The following CIB2 variants were observed in gnomAD, a reference collection of about 807,000 sequenced individuals.
CIB2 encodes calcium and integrin-binding family member 2.
Under a neutral mutation model 23.1 loss-of-function variants are expected in CIB2, and 19 were observed. That is an observed-to-expected ratio of 0.82 (90% CI 0.57 to 1.21). The LOEUF (loss-of-function observed/expected upper bound fraction) is 1.21, where lower values mean the gene tolerates loss of function less well. CIB2 is among the 50% of genes most tolerant of loss of function. CIB2 has a pLI of 0.00. For synonymous variants in CIB2, 94 were observed against 91.7 expected, an observed-to-expected ratio of 1.03 and a Z score of -0.14; for missense variants, 220 against 241.5, an observed-to-expected ratio of 0.91 and a Z score of 0.59.
Position 78,131,138 on chromosome 15 carries a change from G to C in CIB2, c.51+27C>G. 6.4e-7 allele frequency: 1 copy of C among 1,565,680 alleles called. No homozygotes were observed. The highest frequency in any genetic ancestry group is 1.1e-5 in the South Asian group (1 of 86,976). On this transcript the variant is annotated intron_variant, in intron 1 of 5. Coordinates refer to ENST00000258930, the MANE Select transcript of CIB2 (RefSeq NM_006383.4). This position sits in a 1 kb window ranked among gnomAD's most constrained non-coding sequence, Gnocchi z 5.8. ...GGGGCGGCGGGGCGGCGGGGCCTGT[G>C]TTGGGGGCCGGGCGCGCCGAGCTCA...
chr15:78,115,072 A>C (rs1251411361), intron 2 of CIB2, among the ~76,000 whole-genome samples: 1 of 152,206 alleles, frequency 6.6e-6, no homozygotes, highest in African/African-American at 2.4e-5. Context: ...ATTTTGACCA[A>C]TTTGATAGAT....
rs754273733 is a variant in CIB2, at chr15:78,109,289, G to A, written c.292C>T (p.Leu98Phe). 3 of 1,613,458 alleles carry A rather than the reference G, an allele frequency of 1.9e-6. No homozygotes were observed. Among genetic ancestry groups the A allele is most frequent in the South Asian group, 1.1e-5 (1 of 91,062 alleles). ...FNDFVDMFSV[L>F]CESAPRELKA... ...AGCTCTCGGGGAGCCGACTCGCAGA[G>A]CACGGAAAACATGTCCACAAAGTCG... The change falls in exon 4 of 6, where the codon CTC becomes TTC. Residue 98 changes from leucine to phenylalanine, a missense_variant. Coordinates refer to ENST00000258930, the MANE Select transcript of CIB2 (RefSeq NM_006383.4).
chr15:78,122,966 G>A (rs921127506), intron 2 of CIB2, among the ~76,000 whole-genome samples: 4 of 152,236 alleles, frequency 2.6e-5, no homozygotes, highest in African/African-American at 9.6e-5. Context: ...GGACTTTGCT[G>A]GCTTTTAGTG....
At position 78,105,271 on chromosome 15, in the gene CIB2, G is replaced by GA; in HGVS notation, c.*39dup. 2 of 1,613,500 alleles carry GA rather than the reference G, an allele frequency of 1.2e-6. No individual in the cohort carries two copies. The highest frequency in any genetic ancestry group is 1.7e-6 in the Non-Finnish European group (2 of 1,179,686). On this transcript the variant is annotated 3_prime_UTR_variant, in exon 6 of 6. Coordinates refer to ENST00000258930, the MANE Select transcript of CIB2 (RefSeq NM_006383.4). ...CCACACCCATGTGACTGCAGGGCAG[G>GA]ATGGTGGACTTCTAGGCCCCTACAG...
At chr15:78,112,524 C>T (rs1490501964) in intron 2 of CIB2, among the ~76,000 whole-genome samples, 3 of 152,160 alleles carry the variant, frequency 2.0e-5, no homozygotes, top group African/African-American at 7.2e-5. Flanking sequence ...CTATGATTGC[C>T]CCACTGCATT....
chr15:78,121,570 G>A (rs1048925322), intron 2 of CIB2, among the ~76,000 whole-genome samples: 15 of 152,114 alleles, frequency 9.9e-5, no homozygotes, highest in African/African-American at 2.9e-4. Flanking sequence ...CAGTTACCCC[G>A]AGGCTGTTCT....
rs1288181059 is a variant in CIB2 at position 78,131,372 on chromosome 15, A to AG, written c.-158dup. On this transcript the variant is annotated 5_prime_UTR_variant, in exon 1 of 6. Coordinates refer to ENST00000258930, the MANE Select transcript of CIB2 (RefSeq NM_006383.4). The surrounding 1 kb of genome is among the most constrained non-coding windows in gnomAD (Gnocchi z 5.8). ...CCTTCCCGCCCCGCAGCTCGCCTGG[A>AG]GGAGGCGCGCGGGGGTCTCGGAGGC... is the stretch of plus-strand genomic sequence containing the variant. 5.5e-6 allele frequency: 2 copies of AG among 360,604 alleles called. No homozygotes were observed. The highest frequency in any genetic ancestry group is 5.7e-5 in the Admixed American group (1 of 17,430). The allele number at this position is 360,604 out of a possible 1,614,324, so 22.3% of individuals were successfully genotyped here. A position where few individuals can be genotyped will look rare whatever the true frequency, so the allele number is the denominator to read the frequency against.
intron 2 of CIB2, among the ~76,000 whole-genome samples, chr15:78,113,898 C>T (rs1389076181): frequency 6.6e-6 from 1 of 152,174 alleles, no homozygotes; most frequent in African/African-American, 2.4e-5. Context: ...TTGACCCCAC[C>T]TCATATGTGG....
chr15:78,109,521 G>A (rs560656481), intron 3 of CIB2, 139 bp from the exon 4 acceptor site: 48 of 892,152 alleles, frequency 5.4e-5, no homozygotes, highest in Non-Finnish European at 2.3e-5. Context: ...TGTAAAAAGG[G>A]AATAATAATA....
At chr15:78,123,211 G>A (rs940763483) in intron 2 of CIB2, among the ~76,000 whole-genome samples, 2 of 152,118 alleles carry the variant, frequency 1.3e-5, no homozygotes, top group Admixed American at 1.3e-4. Flanking sequence ...GACGTCCTAG[G>A]AGTGGAAGAA....
intron 5 of CIB2, 59 bp downstream of exon 5, chr15:78,105,680 C>A: frequency 6.2e-7 from 1 of 1,610,500 alleles, no homozygotes. Flanking sequence ...GCCTCAGCCC[C>A]AACATCCCGG....
intron 2 of CIB2, among the ~76,000 whole-genome samples, chr15:78,118,920 C>A (rs1417881173): frequency 6.6e-6 from 1 of 152,118 alleles, no homozygotes; most frequent in Non-Finnish European, 1.5e-5. Flanking sequence ...GTGGCTCATG[C>A]CTGTAATCCT....
In CIB2 at chr15:78,116,018, T is replaced by C. The variant is rs115809903; in HGVS notation, c.87-4742A>G. On this transcript the variant is annotated intron_variant, in intron 2 of 5. Transcript: ENST00000258930. The stretch of plus-strand genomic sequence containing the variant: ...AAATATTTGGAAAAAAAAAATTGCA[T>C]CTACGCTAAACATGTATAGATTTTT... Among the ~76,000 whole-genome samples, 1,493 of 152,220 alleles carry C rather than the reference T, an allele frequency of 9.8e-3. 15 individuals are homozygous for C. Among genetic ancestry groups the C allele is most frequent in the African/African-American group, 0.034 (1,414 of 41,550 alleles).
In CIB2 at chr15:78,109,229, G is replaced by T; in HGVS notation, c.346+6C>A. 6.3e-7 allele frequency: 1 copy of T among 1,592,398 alleles called. No individual in the cohort carries two copies. The highest frequency in any genetic ancestry group is 8.5e-7 in the Non-Finnish European group (1 of 1,170,632). On this transcript the variant is annotated splice_donor_region_variant and intron_variant, in intron 4 of 5. Coordinates refer to ENST00000258930, the MANE Select transcript of CIB2 (RefSeq NM_006383.4). ...TATTCAGGCCCCCTCCTCTAGCCCT[G>T]GTTACCATAGATCTTGAAGGCATAG...
intron 2 of CIB2, among the ~76,000 whole-genome samples, chr15:78,117,997 T>C (rs1005638002): frequency 5.9e-5 from 9 of 152,202 alleles, no homozygotes; most frequent in Admixed American, 5.2e-4. Context: ...GAAGTACAAA[T>C]TAAAATCGTG....
At chr15:78,107,107 C>T (rs1208316227) in intron 4 of CIB2, among the ~76,000 whole-genome samples, 6 of 151,750 alleles carry the variant, frequency 4.0e-5, no homozygotes, top group East Asian at 3.9e-4. Flanking sequence ...TGGTGGTGGA[C>T]GCCTGTAGTC....
Position 78,109,284 on chromosome 15 carries a change from G to A in CIB2, c.297C>T (p.Cys99=), listed in dbSNP as rs370965183. ...CCTTGAGCTCTCGGGGAGCCGACTCGCAGAGCACGGAAAACATGTCCACAA... is the reference window on the plus strand; with the variant it reads ...CCTTGAGCTCTCGGGGAGCCGACTCACAGAGCACGGAAAACATGTCCACAA... ...NDFVDMFSVL[C]ESAPRELKAN... The change falls in exon 4 of 6, where the codon TGC becomes TGT. Residue 99 remains cysteine (C), a synonymous_variant. Transcript: ENST00000258930. 2.9e-5 allele frequency: 47 copies of A among 1,612,352 alleles called. No homozygotes were observed. The highest frequency in any genetic ancestry group is 7.7e-5 in the South Asian group (7 of 91,026).
intron 1 of CIB2, among the ~76,000 whole-genome samples, chr15:78,125,499 T>C (rs1276038069): frequency 6.6e-6 from 1 of 152,162 alleles, no homozygotes; most frequent in Non-Finnish European, 1.5e-5. Flanking sequence ...AGGGTTCTCC[T>C]GACAAAAGAT....
intron 5 of CIB2, 106 bp from the exon 6 acceptor site, chr15:78,105,438 C>T (rs879536977): frequency 1.1e-5 from 18 of 1,580,054 alleles, no homozygotes; most frequent in South Asian, 9.2e-5. Flanking sequence ...TGGACAGTGC[C>T]TCATTAGGGA....
Sources: allele counts gnomAD v4.1 joint callset (sites outside exome capture counted in the v4.1 genomes callset), GRCh38; gene constraint gnomAD v4.1.1; non-coding constraint Gnocchi (gnomAD v3.1); transcripts MANE v1.5; gene names NCBI Gene and HGNC (gene_info 2026-07-23, HGNC 2026-07-21).